Variants in TIAM1 observed in about 807,000 individuals in gnomAD.
The protein encoded by TIAM1 is TIAM Rac1 associated GEF 1, also known as rho guanine nucleotide exchange factor TIAM1.
In TIAM1, 65 loss-of-function variants were observed where a neutral mutation model predicts 163.5. The ratio of observed to expected loss-of-function variants is 0.40; its 90% CI spans 0.33 to 0.49. The LOEUF is 0.49. Ranked by LOEUF, TIAM1 falls within the 20% of genes least tolerant of loss-of-function variation. TIAM1 has a pLI of 0.77. For synonymous variants in TIAM1, 833 were observed against 810.1 expected, an observed-to-expected ratio of 1.03 and a Z score of -0.48; for missense variants, 1,789 against 2,044.7, an observed-to-expected ratio of 0.87 and a Z score of 2.41.
chr21:31,221,461 T>C (rs1204586456), intron 8 of TIAM1, among the ~76,000 whole-genome samples: 1 of 152,198 alleles, frequency 6.6e-6, no homozygotes, highest in Admixed American at 6.5e-5. Flanking sequence ...GGCCAAATTT[T>C]AATAGCCTGC....
At chr21:31,355,099 A>C (rs1287060087) in intron 2 of TIAM1, among the ~76,000 whole-genome samples, 1 of 151,808 alleles carries the variant, frequency 6.6e-6, no homozygotes, top group African/African-American at 2.4e-5. Flanking sequence ...ATTGGCAAAA[A>C]TTAGTCAGGT....
intron 8 of TIAM1, among the ~76,000 whole-genome samples, 162 bp from the exon 9 acceptor site, chr21:31,217,861 T>C (rs987728066): frequency 2.0e-5 from 3 of 152,218 alleles, no homozygotes; most frequent in African/African-American, 7.2e-5. Flanking sequence ...CCCAGACATA[T>C]TGGGACTTTG....
rs148801619 is a variant in TIAM1 at position 31,236,369 on chromosome 21, T to A, written c.1584+9119A>T. On this transcript the variant is annotated intron_variant, in intron 6 of 27. Transcript: ENST00000541036. ...CAAAGGTAAATATTTCTACAGTGGC[T>A]GGCTAGGGGCAGGGATATAATCTAC... 2.8e-3 allele frequency among the ~76,000 whole-genome samples: 433 copies of A among 152,306 alleles called. 6 individuals are homozygous for A. The highest frequency in any genetic ancestry group is 0.01 in the African/African-American group (424 of 41,558).
chr21:31,430,235 T>C (rs1195128797), intron 2 of TIAM1, among the ~76,000 whole-genome samples: 1,460 of 129,942 alleles, frequency 0.011, 40 homozygotes, highest in African/African-American at 0.046. Context: ...AATATATATA[T>C]ATATATATAT....
chr21:31,176,381 T>C (rs2084765874), intron 15 of TIAM1, among the ~76,000 whole-genome samples: 2 of 152,124 alleles, frequency 1.3e-5, no homozygotes, highest in African/African-American at 2.4e-5. Flanking sequence ...TAGACATCCT[T>C]CCCTTTTTTT....
intron 14 of TIAM1, among the ~76,000 whole-genome samples, chr21:31,184,329 C>T (rs1484717388): frequency 6.6e-6 from 1 of 152,196 alleles, no homozygotes; most frequent in Admixed American, 6.5e-5. Context: ...TGGTCTGGAA[C>T]TCCTCACCTC....
chr21:31,534,114 A>G (rs1487426745), intron 1 of TIAM1, among the ~76,000 whole-genome samples: 13 of 152,194 alleles, frequency 8.5e-5, no homozygotes. Context: ...CCCACTCCAT[A>G]TAATGGAAAA....
Position 31,298,897 on chromosome 21 carries a change from T to A in TIAM1, c.-188-21989A>T, listed in dbSNP as rs75449841. Among the ~76,000 whole-genome samples the A allele has an allele frequency of 3.3e-5, 5 of 152,196 alleles. No individual in the cohort carries two copies. The South Asian group carries it at 1.0e-3, about 32-fold the overall frequency. ...TATCCTCCCCACCTCAAATCCCTTT[T>A]CACAGGCCTGCTACAAATGAGTCAG... On this transcript the variant is annotated intron_variant, in intron 2 of 27. Transcript: ENST00000541036.
intron 2 of TIAM1, among the ~76,000 whole-genome samples, chr21:31,415,571 C>T (rs960139510): frequency 6.6e-6 from 1 of 152,182 alleles, no homozygotes; most frequent in Non-Finnish European, 1.5e-5. Flanking sequence ...AACACACTAC[C>T]TTCACCCAGC....
At chr21:31,279,702 C>G (rs1253635657) in intron 2 of TIAM1, among the ~76,000 whole-genome samples, 1 of 152,122 alleles carries the variant, frequency 6.6e-6, no homozygotes, top group African/African-American at 2.4e-5. Context: ...TTGCCTCGTG[C>G]CTATCCCATT....
At chr21:31,411,471 CTTTT>C (rs11362012) in intron 2 of TIAM1, among the ~76,000 whole-genome samples, 5 of 102,700 alleles carry the variant, frequency 4.9e-5, no homozygotes, top group South Asian at 3.4e-4. Context: ...TCCCAAGAAA[CTTTT>C]TTTTTTTTTT....
intron 13 of TIAM1, 60 bp downstream of exon 13, chr21:31,195,164 A>C: frequency 2.9e-6 from 4 of 1,375,780 alleles, no homozygotes; most frequent in Non-Finnish European, 4.1e-6. Context: ...CTGTAAATAA[A>C]TGCATGCTTA....
chr21:31,236,800 T>C (rs1182125322), intron 6 of TIAM1, among the ~76,000 whole-genome samples: 2 of 152,120 alleles, frequency 1.3e-5, no homozygotes, highest in African/African-American at 4.8e-5. Context: ...GCAGCCTGCA[T>C]GGGGCAGACC....
intron 2 of TIAM1, among the ~76,000 whole-genome samples, chr21:31,413,763 T>C (rs1328170739): frequency 6.6e-6 from 1 of 152,070 alleles, no homozygotes; most frequent in African/African-American, 2.4e-5. Flanking sequence ...CCAGATCAGA[T>C]TTGAAGTCCC....
intron 1 of TIAM1, among the ~76,000 whole-genome samples, chr21:31,555,777 C>G (rs1435806750): frequency 2.0e-5 from 3 of 152,170 alleles, no homozygotes; most frequent in Admixed American, 6.5e-5. Context: ...CTCCTTTAGA[C>G]AGTATGATCC....
At chr21:31,164,886 A>G (rs1406302862) in intron 16 of TIAM1, 76 bp downstream of exon 16, 2 of 1,461,452 alleles carry the variant, frequency 1.4e-6, no homozygotes, top group Non-Finnish European at 1.9e-6. Flanking sequence ...AACCACATAC[A>G]GCTGTGTAGG....
At chr21:31,465,490 G>C (rs1034630563) in intron 1 of TIAM1, among the ~76,000 whole-genome samples, 1 of 151,982 alleles carries the variant, frequency 6.6e-6, no homozygotes, top group African/African-American at 2.4e-5. Flanking sequence ...TTCAGCCCTT[G>C]CTTGAGACCA....
At chr21:31,485,897 T>C (rs996870417) in intron 1 of TIAM1, among the ~76,000 whole-genome samples, 11 of 152,180 alleles carry the variant, frequency 7.2e-5, no homozygotes, top group African/African-American at 2.7e-4. Context: ...GAGTTCCCTG[T>C]ACAAGGTGAC....
At chr21:31,422,800 G>T (rs2043624780) in intron 2 of TIAM1, among the ~76,000 whole-genome samples, 2 of 152,084 alleles carry the variant, frequency 1.3e-5, no homozygotes, top group Non-Finnish European at 2.9e-5. Context: ...TGGACATATT[G>T]GCTTTCTAAA....
Sources: gnomAD v4.1 joint callset for allele counts (sites outside exome capture counted in the v4.1 genomes callset) on GRCh38, gnomAD v4.1.1 for gene constraint, MANE v1.5 for transcripts, NCBI Gene and HGNC (gene_info 2026-07-23, HGNC 2026-07-21) for gene names.